Variants in BMAL1 observed in about 807,000 individuals in gnomAD.
BMAL1 encodes the protein basic helix-loop-helix ARNT-like protein 1.
At chr11:13,292,037 G>A in the BMAL1 span, among the ~76,000 whole-genome samples, 1 of 152,186 alleles carries the variant, frequency 6.6e-6, no homozygotes, top group African/African-American at 2.4e-5. Flanking sequence ...TCCTAGGAAT[G>A]GAGTGAACTG....
chr11:13,278,251 C>T, the BMAL1 span, among the ~76,000 whole-genome samples: 6 of 152,348 alleles, frequency 3.9e-5, no homozygotes, highest in East Asian at 7.8e-4. Flanking sequence ...GGAGTACCCA[C>T]CGCCCTTCCG....
At chr11:13,316,756 C>T in the BMAL1 span, among the ~76,000 whole-genome samples, 1 of 152,268 alleles carries the variant, frequency 6.6e-6, no homozygotes, top group East Asian at 1.9e-4. Context: ...GGCTTCTGAC[C>T]AAATGGGGAA....
chr11:13,376,756 G>T, the BMAL1 span: 1,533 of 1,604,886 alleles, frequency 9.6e-4, 1 homozygote, highest in Admixed American at 1.3e-3. Context: ...GGGCCCTGGG[G>T]CTTGCCCGTG....
the BMAL1 span, among the ~76,000 whole-genome samples, chr11:13,362,750 C>T: frequency 3.3e-5 from 5 of 152,154 alleles, no homozygotes; most frequent in Non-Finnish European, 5.9e-5. Flanking sequence ...ATGCCTGTAG[C>T]ATCTCGAGAG....
At chr11:13,326,473 C>T in the BMAL1 span, 1 of 152,164 alleles carries the variant, frequency 6.6e-6, no homozygotes, top group Non-Finnish European at 1.5e-5. Context: ...CTGTGGTAAG[C>T]ACTTCACATG....
the BMAL1 span, among the ~76,000 whole-genome samples, chr11:13,321,738 C>G: frequency 4.6e-5 from 7 of 152,228 alleles, no homozygotes; most frequent in African/African-American, 1.7e-4. Context: ...CCTTTCCTCT[C>G]AACTTTTATT....
the BMAL1 span, among the ~76,000 whole-genome samples, chr11:13,313,955 A>T: frequency 1.5e-5 from 2 of 133,838 alleles, no homozygotes; most frequent in Admixed American, 1.9e-4. Flanking sequence ...CAGCCTAGCT[A>T]CCAACAGCCA....
the BMAL1 span, among the ~76,000 whole-genome samples, chr11:13,302,099 C>T: frequency 1.9e-3 from 293 of 152,168 alleles, 6 homozygotes; most frequent in East Asian, 0.012. Context: ...AGATGAGGGG[C>T]ATTGGAGAGG....
chr11:13,373,465 G>A, the BMAL1 span, among the ~76,000 whole-genome samples: 1 of 152,178 alleles, frequency 6.6e-6, no homozygotes, highest in Non-Finnish European at 1.5e-5. Context: ...TAGAAGCCTT[G>A]CACTGAGGTT....
the BMAL1 span, among the ~76,000 whole-genome samples, chr11:13,307,787 A>G: frequency 1.3e-5 from 2 of 152,176 alleles, no homozygotes; most frequent in Non-Finnish European, 2.9e-5. Flanking sequence ...CAGTGGAGAA[A>G]TAGGTTGGGG....
chr11:13,372,476 GA>G, the BMAL1 span: 1 of 1,586,520 alleles, frequency 6.3e-7, no homozygotes, highest in South Asian at 1.1e-5. Context: ...CTAAAAAGCA[GA>G]GAAGACTGGG....
At chr11:13,365,359 C>T in the BMAL1 span, 1 of 595,472 alleles carries the variant, frequency 1.7e-6, no homozygotes, top group Non-Finnish European at 2.9e-6. Context: ...TTTCAGCATC[C>T]TGCACTCAGG....
chr11:13,318,733 T>C, the BMAL1 span, among the ~76,000 whole-genome samples: 1 of 152,072 alleles, frequency 6.6e-6, no homozygotes, highest in Non-Finnish European at 1.5e-5. Flanking sequence ...TGGCCACATC[T>C]GGAGGGTGGA....
chr11:13,286,436 T>C, the BMAL1 span, among the ~76,000 whole-genome samples: 1 of 152,330 alleles, frequency 6.6e-6, no homozygotes, highest in Non-Finnish European at 1.5e-5. Context: ...AGCCACTGAC[T>C]GGCTGAGTAA....
chr11:13,376,404 T>A, the BMAL1 span: 3 of 543,166 alleles, frequency 5.5e-6, no homozygotes, highest in Non-Finnish European at 1.0e-5. Flanking sequence ...AGCCACCACC[T>A]CTGCTGAACT....
chr11:13,298,497 G>A, the BMAL1 span, among the ~76,000 whole-genome samples: 1 of 151,778 alleles, frequency 6.6e-6, no homozygotes, highest in East Asian at 1.9e-4. Context: ...TATATTATAC[G>A]TTTTCCTTAT....
At chr11:13,372,407 G>A in the BMAL1 span, 2 of 1,614,058 alleles carry the variant, frequency 1.2e-6, no homozygotes, top group Non-Finnish European at 1.7e-6. Flanking sequence ...TTGTAGACCA[G>A]AGGTAAGAGT....
chr11:13,307,100 C>T, the BMAL1 span, among the ~76,000 whole-genome samples: 2 of 152,190 alleles, frequency 1.3e-5, no homozygotes, highest in African/African-American at 4.8e-5. Flanking sequence ...CGTCTGCCCA[C>T]CCCTGTTGGG....
the BMAL1 span, among the ~76,000 whole-genome samples, chr11:13,339,488 A>G: frequency 6.6e-6 from 1 of 150,760 alleles, no homozygotes; most frequent in Non-Finnish European, 1.5e-5. Context: ...AGCCAGACTT[A>G]AAACCTAAGA....
Sources: gnomAD v4.1 joint callset for allele counts (sites outside exome capture counted in the v4.1 genomes callset) on GRCh38, gnomAD v4.1.1 for gene constraint, MANE v1.5 for transcripts, NCBI Gene and HGNC (gene_info 2026-07-23, HGNC 2026-07-21) for gene names.